Variants in EFR3A observed in about 807,000 individuals in gnomAD.
EFR3A encodes the protein protein EFR3 homolog A.
A neutral mutation model predicts 104.4 loss-of-function variants in EFR3A; 76 were observed. The observed-to-expected ratio is 0.73, with a 90% CI of 0.60 to 0.88. The LOEUF (loss-of-function observed/expected upper bound fraction) is 0.88, where lower values mean the gene tolerates loss of function less well. Ranked by LOEUF, EFR3A falls within the 40% of genes least tolerant of loss-of-function variation. EFR3A has a pLI of 0.00. For synonymous variants in EFR3A, 330 were observed against 330.0 expected (o/e 1.00, Z 0.00); for missense variants, 985 against 1,012.5 (o/e 0.97, Z 0.37).
Position 131,953,919 on chromosome 8 carries a change from T to A in EFR3A, c.590T>A (p.Ile197Asn). 1.9e-6 allele frequency: 3 copies of A among 1,572,846 alleles called. No individual in the cohort carries two copies. The highest frequency in any genetic ancestry group is 2.6e-6 in the Non-Finnish European group (3 of 1,157,722). ...TGGGAACCTCAGCATATGGATAAGA[T>A]TGTTCCATCCCTCCTGTTTAACATG... ...TIWEPQHMDK[I>N]VPSLLFNMQK... Residue 197 changes from isoleucine to asparagine, a missense_variant, in exon 6 of 23, where the codon ATT becomes AAT. By Grantham distance (149) the Ile-to-Asn change is moderately radical. Coordinates refer to ENST00000254624, the MANE Select transcript of EFR3A (RefSeq NM_015137.6).
chr8:131,984,502 C>G (rs932879964), intron 15 of EFR3A, among the ~76,000 whole-genome samples: 7 of 152,136 alleles, frequency 4.6e-5, no homozygotes, highest in Non-Finnish European at 1.0e-4. Flanking sequence ...GCTAAATATC[C>G]TTCAAGGCCA....
chr8:131,930,011 C>T (rs1817505732), intron 1 of EFR3A, among the ~76,000 whole-genome samples: 1 of 152,106 alleles, frequency 6.6e-6, no homozygotes, highest in Non-Finnish European at 1.5e-5. Context: ...TTGACCAAGC[C>T]TTTTGCAAGG....
At chr8:131,928,625 A>G (rs182231227) in intron 1 of EFR3A, among the ~76,000 whole-genome samples, 349 of 152,242 alleles carry the variant, frequency 2.3e-3, no homozygotes, top group Non-Finnish European at 4.0e-3. Context: ...GATGTGGTCT[A>G]TAGAACAATG....
chr8:131,905,775 T>C (rs1816228151), intron 1 of EFR3A, among the ~76,000 whole-genome samples: 2 of 152,216 alleles, frequency 1.3e-5, no homozygotes, highest in South Asian at 4.1e-4. Context: ...TTTTATTTTC[T>C]GAGAAACCAA....
chr8:131,939,632 A>G (rs997846343), intron 1 of EFR3A, among the ~76,000 whole-genome samples: 5 of 152,126 alleles, frequency 3.3e-5, no homozygotes, highest in Non-Finnish European at 7.4e-5. Flanking sequence ...GTGCCATGCT[A>G]ACAATTTGAA....
chr8:131,968,557 T>C, intron 9 of EFR3A, 127 bp downstream of exon 9: 1 of 1,053,416 alleles, frequency 9.5e-7, no homozygotes, highest in Non-Finnish European at 1.3e-6. Flanking sequence ...ACAATAATTT[T>C]TTTTGAAATT....
intron 21 of EFR3A, among the ~76,000 whole-genome samples, 167 bp from the exon 22 acceptor site, chr8:132,003,069 A>G (rs919352242): frequency 2.6e-5 from 4 of 152,220 alleles, no homozygotes; most frequent in African/African-American, 9.6e-5. Flanking sequence ...CTTACATTAA[A>G]TTCTAATAGA....
intron 10 of EFR3A, among the ~76,000 whole-genome samples, chr8:131,972,321 TC>T (rs1387905040): frequency 3.3e-5 from 5 of 151,808 alleles, no homozygotes; most frequent in Admixed American, 3.3e-4. Flanking sequence ...TTCTGTACTT[TC>T]TGCCCCAGCC....
chr8:131,976,816 CTGTT>C (rs748045504), intron 11 of EFR3A, among the ~76,000 whole-genome samples: 1 of 152,110 alleles, frequency 6.6e-6, no homozygotes, highest in Non-Finnish European at 1.5e-5. Flanking sequence ...ATGCATAGGA[CTGTT>C]TGAGAGCCAA....
intron 14 of EFR3A, among the ~76,000 whole-genome samples, chr8:131,982,849 C>T (rs187275345): frequency 1.3e-5 from 2 of 151,908 alleles, no homozygotes; most frequent in African/African-American, 2.4e-5. Flanking sequence ...AGAGAAAGAA[C>T]GAGAGAGACA....
At position 131,986,217 on chromosome 8, in the gene EFR3A, A is replaced by G; in HGVS notation, c.1893A>G (p.Glu631=). ...VSKVIEIRTM[E]APYFLPEHIF... ...AGGTTATTGAAATTCGAACTATGGA[A>G]GCCCCTTATTTTCTACCAGAGCATA... The change falls in exon 17 of 23, where the codon GAA becomes GAG. Residue 631 remains glutamate, a synonymous_variant. Coordinates refer to ENST00000254624, the MANE Select transcript of EFR3A (RefSeq NM_015137.6). 1 of 1,594,606 alleles carries G rather than the reference A, an allele frequency of 6.3e-7. No individual in the cohort carries two copies. The highest frequency in any genetic ancestry group is 8.6e-7 in the Non-Finnish European group (1 of 1,165,676).
At chr8:131,949,719 C>T (rs917225605) in intron 4 of EFR3A, among the ~76,000 whole-genome samples, 14 of 151,850 alleles carry the variant, frequency 9.2e-5, no homozygotes, top group Non-Finnish European at 1.6e-4. Flanking sequence ...GAAGCTGAGG[C>T]GGGAGGATCA....
chr8:131,996,689 G>A (rs1163756120), intron 19 of EFR3A, among the ~76,000 whole-genome samples, 192 bp downstream of exon 19: 1 of 151,944 alleles, frequency 6.6e-6, no homozygotes, highest in Non-Finnish European at 1.5e-5. Flanking sequence ...ACTCATTTCA[G>A]CTGTCTGTAA....
At chr8:131,921,970 A>G (rs1293869440) in intron 1 of EFR3A, among the ~76,000 whole-genome samples, 1 of 152,208 alleles carries the variant, frequency 6.6e-6, no homozygotes, top group Non-Finnish European at 1.5e-5. Flanking sequence ...GCTTAAGACA[A>G]CAGAATATTT....
chr8:131,977,820 T>G (rs1195854953), intron 12 of EFR3A, among the ~76,000 whole-genome samples: 5 of 152,164 alleles, frequency 3.3e-5, no homozygotes, highest in African/African-American at 1.2e-4. Context: ...AATTCTAATA[T>G]AGCCAGATTT....
intron 1 of EFR3A, among the ~76,000 whole-genome samples, chr8:131,920,392 T>C (rs1816945649): frequency 6.6e-6 from 1 of 152,204 alleles, no homozygotes. Flanking sequence ...AGGAACTTCT[T>C]ATGTAGACCC....
chr8:131,914,258 T>C (rs1253695206), intron 1 of EFR3A, among the ~76,000 whole-genome samples: 1 of 152,222 alleles, frequency 6.6e-6, no homozygotes, highest in Non-Finnish European at 1.5e-5. Flanking sequence ...CAATTACTTT[T>C]CATTTCACAA....
intron 1 of EFR3A, chr8:131,924,209 C>A: frequency 3.0e-6 from 1 of 330,062 alleles, no homozygotes; most frequent in South Asian, 2.2e-5. Context: ...TCTGCATACC[C>A]CATTCAGCAT....
chr8:131,992,884 T>A (rs946437339), intron 18 of EFR3A, among the ~76,000 whole-genome samples: 1 of 152,098 alleles, frequency 6.6e-6, no homozygotes, highest in South Asian at 2.1e-4. Flanking sequence ...GGGGCATGGC[T>A]TGGGAAGTTA....
Sources: allele counts gnomAD v4.1 joint callset (sites outside exome capture counted in the v4.1 genomes callset), GRCh38; gene constraint gnomAD v4.1.1; transcripts MANE v1.5; gene names NCBI Gene and HGNC (gene_info 2026-07-23, HGNC 2026-07-21).